FAT1: variants seen among roughly 807,000 people sequenced by gnomAD.
FAT1 encodes FAT atypical cadherin 1, also known as protocadherin Fat 1.
In FAT1, 171 loss-of-function variants were observed where a neutral mutation model predicts 329.8. The ratio of observed to expected loss-of-function variants is 0.52; its 90% CI spans 0.46 to 0.59. FAT1 has a LOEUF of 0.59. FAT1 is among the 20% of genes least tolerant of loss of function. The probability of loss-of-function intolerance (pLI) is 0.00; values close to 1 mark genes in which losing one functional copy is unlikely to be tolerated. For synonymous variants in FAT1, 2,233 were observed against 2,228.6 expected (o/e 1.00, Z -0.06); for missense variants, 5,672 against 5,774.4 (o/e 0.98, Z 0.57).
intron 3 of FAT1, among the ~76,000 whole-genome samples, chr4:186,648,782 C>A (rs573943592): frequency 6.6e-5 from 10 of 152,244 alleles, no homozygotes; most frequent in African/African-American, 2.4e-4. Flanking sequence ...CCGCTCCATG[C>A]CAGAGCCACC....
intron 3 of FAT1, among the ~76,000 whole-genome samples, chr4:186,649,178 A>T (rs1164304391): frequency 6.6e-6 from 1 of 151,720 alleles, no homozygotes; most frequent in Non-Finnish European, 1.5e-5. Flanking sequence ...CTGCTTATTA[A>T]GTCCTAAAAC....
At chr4:186,724,149 G>T (rs529538010), upstream of FAT1, among the ~76,000 whole-genome samples, 249 of 122,296 alleles carry the variant, frequency 2.0e-3, no homozygotes, top group African/African-American at 7.9e-3. The surrounding 1 kb of genome is among the most constrained non-coding windows in gnomAD (Gnocchi z 5.3). Flanking sequence ...ATTGGGGAAA[G>T]CTCCCTGCCA....
intron 1 of FAT1, among the ~76,000 whole-genome samples, chr4:186,718,193 T>C (rs751443454): frequency 6.6e-6 from 1 of 152,058 alleles, no homozygotes; most frequent in Non-Finnish European, 1.5e-5. Flanking sequence ...CCATCTTCCC[T>C]CCTCCTCTTA....
intron 9 of FAT1, among the ~76,000 whole-genome samples, chr4:186,622,667 A>G (rs1579339940): frequency 6.6e-6 from 1 of 152,174 alleles, no homozygotes; most frequent in East Asian, 1.9e-4. Context: ...ATATTGTATA[A>G]TTTTGTATCA....
At position 186,600,151 on chromosome 4, in the gene FAT1, C is replaced by A. The variant is rs2126412635; in HGVS notation, c.11850G>T (p.Val3950=). Residue 3950 remains valine, a synonymous_variant, in exon 22 of 27, where the codon GTG becomes GTT. Transcript: ENST00000441802. ...TLKTLNLDNY[V]FFGGHIRQQG... ...GCTGACGGATGTGGCCACCAAAAAA[C>A]ACATAGTTATCCAGGTTCAGGGTTT... The A allele has an allele frequency of 5.6e-6, 9 of 1,614,060 alleles. No homozygotes were observed. The highest frequency in any genetic ancestry group is 6.8e-6 in the Non-Finnish European group (8 of 1,179,886).
Position 186,603,921 on chromosome 4 carries a change from T to A in FAT1, c.10605A>T (p.Val3535=), listed in dbSNP as rs1738960006. Residue 3535 remains valine (V), a synonymous_variant, in exon 19 of 27, where the codon GTA becomes GTT. Transcript: ENST00000441802. The part of the protein sequence containing the change: ...LSSLTYIDIR[V]IEESIYPPAI... ...CAGGCGGATAGATGCTCTCCTCAAT[T>A]ACCCTAATGTCAATGTATGTCAAAG... 1.9e-6 allele frequency: 3 copies of A among 1,613,904 alleles called. No homozygotes were observed. The highest frequency in any genetic ancestry group is 2.5e-6 in the Non-Finnish European group (3 of 1,179,798).
intron 24 of FAT1, among the ~76,000 whole-genome samples, 185 bp downstream of exon 24, chr4:186,597,497 C>G (rs942007831): frequency 2.6e-5 from 4 of 151,914 alleles, no homozygotes; most frequent in Non-Finnish European, 4.4e-5. Context: ...ATTATATATA[C>G]TGTATTCATC....
chr4:186,698,220 A>AGT (rs1226137222), intron 2 of FAT1, among the ~76,000 whole-genome samples: 1 of 152,200 alleles, frequency 6.6e-6, no homozygotes, highest in Admixed American at 6.5e-5. Flanking sequence ...AGACGGACTG[A>AGT]AGTCACAGAC....
intron 2 of FAT1, among the ~76,000 whole-genome samples, chr4:186,704,829 T>C (rs75473960): frequency 0.016 from 2,489 of 152,238 alleles, 86 homozygotes; most frequent in East Asian, 0.091. Flanking sequence ...TAGATAGTGA[T>C]ATATAGTCTG....
chr4:186,647,689 C>T (rs1196380860), intron 3 of FAT1, among the ~76,000 whole-genome samples: 2 of 152,134 alleles, frequency 1.3e-5, no homozygotes, highest in Non-Finnish European at 2.9e-5. Flanking sequence ...AGATACATAC[C>T]ATTTTCACCC....
chr4:186,705,241 G>T (rs924211059), intron 2 of FAT1, among the ~76,000 whole-genome samples: 1 of 151,846 alleles, frequency 6.6e-6, no homozygotes. Flanking sequence ...ATCGCACCCA[G>T]CCCAAAATAA....
Position 186,611,615 on chromosome 4 carries a change from C to T in FAT1, c.9624G>A (p.Arg3208=), listed in dbSNP as rs2126468820. 1 of 1,613,596 alleles carries T rather than the reference C, an allele frequency of 6.2e-7. No individual in the cohort carries two copies. Among genetic ancestry groups the T allele is most frequent in the Non-Finnish European group, 8.5e-7 (1 of 1,179,748 alleles). The change falls in exon 14 of 27, where the codon AGG becomes AGA. Residue 3208 remains arginine (R), a synonymous_variant. Transcript: ENST00000441802. ...TCACAGTGCCAGTGGCAGTCAGCCT[C>T]CTTGGCAAGCCTTGATCCACAGCTT... ...SLKAVDQGLP[R]RLTATGTVIV...
At chr4:186,695,840 G>T (rs988778862) in intron 2 of FAT1, among the ~76,000 whole-genome samples, 3 of 150,776 alleles carry the variant, frequency 2.0e-5, no homozygotes, top group African/African-American at 7.3e-5. Context: ...CCCCCAGGCT[G>T]AAGGGCAGTG....
chr4:186,696,152 T>A (rs1370588907), intron 2 of FAT1, among the ~76,000 whole-genome samples: 1 of 152,238 alleles, frequency 6.6e-6, no homozygotes, highest in East Asian at 1.9e-4. Flanking sequence ...TGATACTTTG[T>A]AGATATGAAA....
chr4:186,659,612 C>CTCAACAGGGGACAGAAA, intron 3 of FAT1, among the ~76,000 whole-genome samples: 1 of 151,878 alleles, frequency 6.6e-6, no homozygotes, highest in African/African-American at 2.4e-5. Flanking sequence ...ACACACAAGC[C>CTCAACAGGGGACAGAAA]CGCTGTGGCA....
intron 1 of FAT1, among the ~76,000 whole-genome samples, chr4:186,710,547 G>A (rs1744902043): frequency 1.3e-5 from 2 of 152,180 alleles, no homozygotes; most frequent in South Asian, 4.2e-4. Flanking sequence ...CCCAAAGAAA[G>A]GCAATTTACA....
rs1738728718 is a variant in FAT1, at chr4:186,600,160, A to G, written c.11841T>C (p.Asp3947=). 1.2e-6 allele frequency: 2 copies of G among 1,614,074 alleles called. No homozygotes were observed. The highest frequency in any genetic ancestry group is 1.7e-6 in the Non-Finnish European group (2 of 1,179,900). Residue 3947 remains aspartate (D), a synonymous_variant, in exon 22 of 27, where the codon GAT becomes GAC. Coordinates refer to ENST00000441802, the MANE Select transcript of FAT1 (RefSeq NM_005245.4). ...APGTLKTLNL[D]NYVFFGGHIR... Reference sequence around the variant, plus strand: ...TGTGGCCACCAAAAAACACATAGTTATCCAGGTTCAGGGTTTTCAGAGTCC... The same window carrying G: ...TGTGGCCACCAAAAAACACATAGTTGTCCAGGTTCAGGGTTTTCAGAGTCC...
chr4:186,644,154 T>C (rs532590463), intron 3 of FAT1, among the ~76,000 whole-genome samples: 3 of 152,148 alleles, frequency 2.0e-5, no homozygotes, highest in Admixed American at 6.5e-5. Context: ...TTTCTCCCTA[T>C]CACACCTGAC....
chr4:186,673,577 T>C (rs1307378438), intron 2 of FAT1, among the ~76,000 whole-genome samples: 7 of 152,230 alleles, frequency 4.6e-5, no homozygotes, highest in Non-Finnish European at 1.0e-4. Flanking sequence ...ACTGTCACTG[T>C]TTGCATTATT....
Sources: gnomAD v4.1 joint callset for allele counts (sites outside exome capture counted in the v4.1 genomes callset) on GRCh38, gnomAD v4.1.1 for gene constraint, Gnocchi (gnomAD v3.1) non-coding constraint, MANE v1.5 for transcripts, NCBI Gene and HGNC (gene_info 2026-07-23, HGNC 2026-07-21) for gene names.